The following CNTN4 variants were observed in gnomAD, a reference collection of about 807,000 sequenced individuals.
The protein encoded by CNTN4 is contactin 4, also known as contactin-4.
In CNTN4, 77 loss-of-function variants were observed where a neutral mutation model predicts 122.5. The ratio of observed to expected loss-of-function variants is 0.63; its 90% confidence interval spans 0.52 to 0.76. The LOEUF (loss-of-function observed/expected upper bound fraction) is 0.76. Ranked by LOEUF, CNTN4 falls within the 30% of genes least tolerant of loss-of-function variation. The pLI, the probability that CNTN4 is intolerant of heterozygous loss-of-function variation, is 0.00. For synonymous variants in CNTN4, 512 were observed against 447.0 expected, an observed-to-expected ratio of 1.15 and a Z score of -1.83; for missense variants, 1,256 against 1,259.1, an observed-to-expected ratio of 1.00 and a Z score of 0.04.
intron 3 of CNTN4, among the ~76,000 whole-genome samples, chr3:2,368,746 G>T (rs2045515243): frequency 6.6e-6 from 1 of 152,120 alleles, no homozygotes; most frequent in South Asian, 2.1e-4. Flanking sequence ...GTGTTCAAGT[G>T]TATGGTTATG....
chr3:2,584,730 A>G (rs2080106280), intron 4 of CNTN4, among the ~76,000 whole-genome samples: 1 of 151,686 alleles, frequency 6.6e-6, no homozygotes, highest in Admixed American at 6.6e-5. Context: ...AAGAATAAAA[A>G]AAAGGGAACA....
chr3:2,470,543 C>T (rs975549830), intron 3 of CNTN4, among the ~76,000 whole-genome samples: 14 of 152,264 alleles, frequency 9.2e-5, no homozygotes, highest in African/African-American at 3.1e-4. Flanking sequence ...CTTAACTTCA[C>T]ATATAGTCTC....
chr3:2,616,163 C>G (rs1268593473), intron 4 of CNTN4, among the ~76,000 whole-genome samples: 2 of 149,912 alleles, frequency 1.3e-5, no homozygotes, highest in African/African-American at 2.5e-5. Context: ...ATCCCCCCAA[C>G]AGGCCCAGTG....
chr3:2,422,455 A>G (rs2047652442), intron 3 of CNTN4, among the ~76,000 whole-genome samples: 1 of 152,232 alleles, frequency 6.6e-6, no homozygotes, highest in Admixed American at 6.5e-5. Context: ...CTTCTCAATT[A>G]GAAGTTCTAA....
chr3:2,324,450 C>G (rs1289860769), intron 2 of CNTN4, among the ~76,000 whole-genome samples: 2 of 152,106 alleles, frequency 1.3e-5, no homozygotes, highest in African/African-American at 4.8e-5. Context: ...TATCCAGAAG[C>G]ATAAGACGGT....
In CNTN4 at chr3:2,997,420, C is replaced by T. The variant is rs76694933; in HGVS notation, c.1486+8948C>T. Among the ~76,000 whole-genome samples, 201 of 152,290 alleles carry T rather than the reference C, an allele frequency of 1.3e-3. 3 individuals carry two copies. In the East Asian group the frequency reaches 0.037, roughly 28 times the overall value. On this transcript the variant is annotated intron_variant, in intron 14 of 24. Transcript: ENST00000418658. ...AGGTCTGAAAGGGAAAGCTTGGTTTCTTATAAAGCTTGAATCAGAAAGGAG... is the reference window on the plus strand; with the variant it reads ...AGGTCTGAAAGGGAAAGCTTGGTTTTTTATAAAGCTTGAATCAGAAAGGAG...
rs59697922 is a variant in CNTN4, at chr3:2,940,237, C to T, written c.1358+14458C>T. ...CAGAAAAAGTTGTCAGAAAGCTAAA[C>T]GGAGAACCACGAAATAGGGCTGCTG... is the stretch of plus-strand genomic sequence containing the variant. On this transcript the variant is annotated intron_variant, in intron 13 of 24. Coordinates refer to ENST00000418658, the MANE Select transcript of CNTN4 (RefSeq NM_175607.3). 7.7e-3 allele frequency among the ~76,000 whole-genome samples: 1,179 copies of T among 152,272 alleles called. 21 individuals carry two copies. Among genetic ancestry groups the T allele is most frequent in the African/African-American group, 0.026 (1,080 of 41,548 alleles).
intron 5 of CNTN4, among the ~76,000 whole-genome samples, chr3:2,738,963 G>A (rs542704219): frequency 6.6e-6 from 1 of 152,142 alleles, no homozygotes; most frequent in Non-Finnish European, 1.5e-5. Context: ...ATTACAAGCT[G>A]TAAACTTGAA....
chr3:2,635,125 C>G (rs1278266161), intron 4 of CNTN4, among the ~76,000 whole-genome samples: 1 of 152,004 alleles, frequency 6.6e-6, no homozygotes, highest in Non-Finnish European at 1.5e-5. Flanking sequence ...TACACTTAAA[C>G]TGAAACCTAT....
intron 3 of CNTN4, among the ~76,000 whole-genome samples, chr3:2,506,623 T>C (rs1222311591): frequency 6.6e-6 from 1 of 152,258 alleles, no homozygotes; most frequent in African/African-American, 2.4e-5. Flanking sequence ...CATGTTTGCA[T>C]TGCATCCCAA....
At chr3:2,935,549 T>A (rs371090174) in intron 13 of CNTN4, among the ~76,000 whole-genome samples, 1 of 152,210 alleles carries the variant, frequency 6.6e-6, no homozygotes, top group Non-Finnish European at 1.5e-5. Flanking sequence ...AGAAATTCAA[T>A]TGAATGAATA....
chr3:3,031,285 A>C (rs1005694793), intron 16 of CNTN4, among the ~76,000 whole-genome samples: 22 of 152,188 alleles, frequency 1.4e-4, no homozygotes, highest in African/African-American at 4.6e-4. Context: ...GAACAAAAGC[A>C]GATAGTTTAA....
chr3:2,967,079 C>G (rs1306357628), intron 13 of CNTN4, among the ~76,000 whole-genome samples: 1 of 152,146 alleles, frequency 6.6e-6, no homozygotes, highest in Admixed American at 6.6e-5. Context: ...TTACTCAAAT[C>G]ATTCTCCCTG....
chr3:2,418,584 G>A (rs1341976660), intron 3 of CNTN4, among the ~76,000 whole-genome samples: 1 of 152,022 alleles, frequency 6.6e-6, no homozygotes, highest in African/African-American at 2.4e-5. Flanking sequence ...GTAATTTGGC[G>A]ATTGCATTTC....
intron 3 of CNTN4, among the ~76,000 whole-genome samples, chr3:2,387,741 C>G (rs1296601095): frequency 2.0e-5 from 3 of 152,116 alleles, no homozygotes; most frequent in Non-Finnish European, 2.9e-5. Context: ...GTTTTTCCTG[C>G]AAGAGTTGAG....
intron 14 of CNTN4, among the ~76,000 whole-genome samples, chr3:3,000,983 T>A (rs987810282): frequency 1.3e-5 from 2 of 152,036 alleles, no homozygotes; most frequent in African/African-American, 4.8e-5. Flanking sequence ...TATTCTCAAG[T>A]AACCTATTCT....
rs183326736 is a variant in CNTN4 at position 2,268,929 on chromosome 3, A to G, written c.-144-70249A>G. On this transcript the variant is annotated intron_variant, in intron 2 of 24. Transcript: ENST00000418658. ...TTTATATATGTGGGGAGAAGGAATT[A>G]GGTGGCTGATTATCTTGTGCTAAAT... 1.4e-3 allele frequency among the ~76,000 whole-genome samples: 208 copies of G among 152,220 alleles called. 2 individuals are homozygous for G. The highest frequency in any genetic ancestry group is 5.8e-4 in the East Asian group (3 of 5,180).
intron 4 of CNTN4, among the ~76,000 whole-genome samples, chr3:2,615,936 A>C (rs1036838351): frequency 6.6e-6 from 1 of 152,192 alleles, no homozygotes; most frequent in African/African-American, 2.4e-5. Flanking sequence ...TCTATTCCTT[A>C]AATAACTTTT....
At chr3:2,798,969 A>G (rs918025227) in intron 6 of CNTN4, among the ~76,000 whole-genome samples, 2 of 152,268 alleles carry the variant, frequency 1.3e-5, no homozygotes, top group Admixed American at 1.3e-4. Flanking sequence ...TGGTATATAG[A>G]TGTTCCCTTT....
Sources: gnomAD v4.1 joint callset for allele counts (sites outside exome capture counted in the v4.1 genomes callset) on GRCh38, gnomAD v4.1.1 for gene constraint, MANE v1.5 for transcripts, NCBI Gene and HGNC (gene_info 2026-07-23, HGNC 2026-07-21) for gene names.